Variants in DOCK8 observed in about 807,000 individuals in gnomAD.
DOCK8 encodes the protein dedicator of cytokinesis 8, also known as dedicator of cytokinesis protein 8.
DOCK8 carries 141 observed loss-of-function variants against 245.6 expected under a neutral mutation model. The observed-to-expected ratio is 0.57, with a 90% confidence interval of 0.50 to 0.66. The LOEUF (loss-of-function observed/expected upper bound fraction) is 0.66. Among genes scored for constraint, DOCK8 ranks in the 30% least tolerant of loss-of-function variants. DOCK8 has a pLI of 0.00. For missense variants in DOCK8, 2,965 were observed against 2,603.4 expected (o/e 1.14, Z -3.02); for synonymous variants, 1,168 against 970.2 (o/e 1.20, Z -3.79).
chr9:273,142 A>T (rs530754623), intron 2 of DOCK8: 1 of 899,036 alleles, frequency 1.1e-6, no homozygotes, highest in Admixed American at 1.6e-4. Flanking sequence ...TCAGAAGGAT[A>T]ATTTGTGTGT....
intron 4 of DOCK8, among the ~76,000 whole-genome samples, chr9:303,683 T>C (rs2049669227): frequency 6.6e-6 from 1 of 152,186 alleles, no homozygotes; most frequent in Non-Finnish European, 1.5e-5. Flanking sequence ...AACTGCCTAT[T>C]GAGTACCATG....
intron 42 of DOCK8, among the ~76,000 whole-genome samples, 175 bp from the exon 43 acceptor site, chr9:443,252 T>A (rs1371260820): frequency 6.6e-6 from 1 of 152,200 alleles, no homozygotes; most frequent in Non-Finnish European, 1.5e-5. Flanking sequence ...ACAGTGCTAT[T>A]TTTATTTTTG....
chr9:331,323 A>G (rs2051001640), intron 9 of DOCK8, among the ~76,000 whole-genome samples: 1 of 152,168 alleles, frequency 6.6e-6, no homozygotes. Flanking sequence ...CCTTCTCTTC[A>G]TGCTGTGGCA....
intron 11 of DOCK8, 37 bp downstream of exon 11, chr9:334,421 C>T (rs765937308): frequency 6.2e-7 from 1 of 1,606,052 alleles, no homozygotes; most frequent in South Asian, 1.1e-5. Context: ...GGGAGGGCTC[C>T]CCAGTGTGCG....
chr9:399,695 A>G (rs1039156790), intron 26 of DOCK8, among the ~76,000 whole-genome samples: 1 of 152,094 alleles, frequency 6.6e-6, no homozygotes, highest in Non-Finnish European at 1.5e-5. Context: ...GTGTTCTTAA[A>G]TAAAATCATT....
At chr9:319,801 T>G (rs890814188) in intron 7 of DOCK8, among the ~76,000 whole-genome samples, 3 of 151,056 alleles carry the variant, frequency 2.0e-5, no homozygotes, top group Non-Finnish European at 4.4e-5. Context: ...AAAAAAAGAA[T>G]GACAACAAAG....
At chr9:295,476 A>G (rs995420369) in intron 4 of DOCK8, among the ~76,000 whole-genome samples, 8 of 152,324 alleles carry the variant, frequency 5.3e-5, no homozygotes, top group Admixed American at 1.3e-4. Flanking sequence ...ATTAGCTATT[A>G]TATTTATTAA....
chr9:374,223 AC>A (rs147895614), intron 18 of DOCK8, among the ~76,000 whole-genome samples: 1,979 of 152,236 alleles, frequency 0.013, 50 homozygotes, highest in African/African-American at 0.045. Flanking sequence ...TATCCTTTAA[AC>A]CTGCACTGTC....
At chr9:213,616 T>A (rs1054940561), upstream of DOCK8, 6 of 152,184 alleles carry the variant, frequency 3.9e-5, no homozygotes, top group African/African-American at 7.2e-5. Context: ...ATTTTACACA[T>A]CCAGCAGTGG....
At chr9:215,562 G>A in intron 1 of DOCK8, 1 of 995,888 alleles carries the variant, frequency 1.0e-6, no homozygotes, top group Non-Finnish European at 1.3e-6. Context: ...TGGTGGCATC[G>A]CTATTTTTAT....
At chr9:301,448 C>G (rs1188197656) in intron 4 of DOCK8, among the ~76,000 whole-genome samples, 1 of 152,168 alleles carries the variant, frequency 6.6e-6, no homozygotes, top group East Asian at 1.9e-4. Flanking sequence ...AACAAGGATG[C>G]CTACTCTCAC....
At chr9:248,611 ATCT>A (rs1344390558) in intron 1 of DOCK8, among the ~76,000 whole-genome samples, 7 of 119,568 alleles carry the variant, frequency 5.9e-5, no homozygotes, top group Non-Finnish European at 1.2e-4. Context: ...CTTTCTTTCC[ATCT>A]TCTTTTCTTT....
intron 39 of DOCK8, among the ~76,000 whole-genome samples, chr9:436,769 G>T (rs1052899085): frequency 6.6e-6 from 1 of 152,138 alleles, no homozygotes; most frequent in East Asian, 1.9e-4. Flanking sequence ...TTCTTTTAGA[G>T]AATATTTATT....
At chr9:338,296 A>G (rs1030216383) in intron 12 of DOCK8, among the ~76,000 whole-genome samples, 3 of 152,208 alleles carry the variant, frequency 2.0e-5, no homozygotes, top group African/African-American at 4.8e-5. Context: ...TAAAGGGGTT[A>G]CATTAACAAA....
chr9:218,783 C>G (rs2046820538), intron 1 of DOCK8, among the ~76,000 whole-genome samples: 1 of 152,058 alleles, frequency 6.6e-6, no homozygotes, highest in East Asian at 1.9e-4. Context: ...AACATTAACC[C>G]TCTTGTGGAC....
chr9:402,224 T>C (rs142880186), intron 26 of DOCK8, among the ~76,000 whole-genome samples: 2 of 152,330 alleles, frequency 1.3e-5, no homozygotes, highest in East Asian at 1.9e-4. Context: ...TCTTTTCTCT[T>C]GCTCACTATC....
chr9:460,085 A>T (rs940092147), intron 46 of DOCK8: 1 of 152,218 alleles, frequency 6.6e-6, no homozygotes, highest in African/African-American at 2.4e-5. Flanking sequence ...CCTTATTATC[A>T]TAGCTTCTGA....
chr9:450,333 A>G (rs959653828), intron 45 of DOCK8, among the ~76,000 whole-genome samples: 2 of 152,222 alleles, frequency 1.3e-5, no homozygotes, highest in African/African-American at 4.8e-5. Flanking sequence ...AAAAGGATCT[A>G]GAACATCCAA....
chr9:431,291 G>A (rs1432699587), intron 36 of DOCK8, among the ~76,000 whole-genome samples: 2 of 152,048 alleles, frequency 1.3e-5, no homozygotes, highest in Admixed American at 1.3e-4. Context: ...TCCATTTGTG[G>A]CCATGTTAAT....
Sources: gnomAD v4.1 joint callset for allele counts (sites outside exome capture counted in the v4.1 genomes callset) on GRCh38, gnomAD v4.1.1 for gene constraint, MANE v1.5 for transcripts, NCBI Gene and HGNC (gene_info 2026-07-23, HGNC 2026-07-21) for gene names.